VAMP7: variants seen among roughly 807,000 people sequenced by gnomAD.
VAMP7 encodes the protein vesicle-associated membrane protein 7.
In VAMP7, 14 loss-of-function variants were observed where a neutral mutation model predicts 29.6. That is an observed-to-expected ratio of 0.47 (90% CI 0.31 to 0.74). The LOEUF is 0.74. Among genes scored for constraint, VAMP7 ranks in the 30% least tolerant of loss-of-function variants. The pLI, the probability that VAMP7 is intolerant of heterozygous loss-of-function variation, is 0.05. For missense variants in VAMP7, 223 were observed against 262.4 expected, an observed-to-expected ratio of 0.85 and a Z score of 1.04; for synonymous variants, 95 against 88.1, an observed-to-expected ratio of 1.08 and a Z score of -0.44.
chrX:155,885,864 G>A (rs1602897213), intron 1 of VAMP7, among the ~76,000 whole-genome samples: 1 of 152,254 alleles, frequency 6.6e-6, no homozygotes, highest in East Asian at 1.9e-4. Context: ...TCTTGATTTT[G>A]GACTTTTAAC....
intron 5 of VAMP7, among the ~76,000 whole-genome samples, chrX:155,916,828 T>C (rs1029302844): frequency 2.0e-5 from 3 of 152,292 alleles, no homozygotes; most frequent in African/African-American, 7.2e-5. Flanking sequence ...CTGACGATTA[T>C]GTGTCTTGGA....
intron 3 of VAMP7, 33 bp from the exon 4 acceptor site, chrX:155,898,079 C>T (rs374324284): frequency 4.1e-5 from 66 of 1,601,742 alleles, no homozygotes; most frequent in Admixed American, 1.7e-4. Context: ...TGTTTACTTT[C>T]TAAATGTGAG....
Position 155,931,700 on chromosome X carries a change from G to T in VAMP7, c.502-8001G>T, listed in dbSNP as rs777158091. Among the ~76,000 whole-genome samples the T allele has an allele frequency of 3.9e-5, 6 of 152,026 alleles. No individual in the cohort carries two copies. The South Asian group carries it at 1.2e-3, about 32-fold the overall frequency. ...TGATGGTAGTTTCTTTTGCTGTGCA[G>T]AAGCTCCTTAATTAGATCCCATTTG... On this transcript the variant is annotated intron_variant, in intron 6 of 7. Coordinates refer to ENST00000286448, the MANE Select transcript of VAMP7 (RefSeq NM_005638.6).
At chrX:155,892,251 G>A (rs947786219) in intron 2 of VAMP7, among the ~76,000 whole-genome samples, 2 of 151,914 alleles carry the variant, frequency 1.3e-5, no homozygotes, top group Non-Finnish European at 2.9e-5. Flanking sequence ...CTCCCCCTAA[G>A]CCTCCTTGTA....
intron 2 of VAMP7, among the ~76,000 whole-genome samples, chrX:155,894,239 A>G (rs2065958259): frequency 1.3e-5 from 2 of 148,978 alleles, no homozygotes; most frequent in African/African-American, 5.0e-5. Context: ...GGTATACTGC[A>G]GTAGTCTCCT....
intron 7 of VAMP7, among the ~76,000 whole-genome samples, chrX:155,941,043 G>A (rs982148282): frequency 5.9e-5 from 9 of 152,126 alleles, no homozygotes; most frequent in African/African-American, 2.2e-4. Context: ...AGGCATAGGG[G>A]CTTATGCCTG....
chrX:155,898,476 T>A (rs923631100), intron 4 of VAMP7, among the ~76,000 whole-genome samples: 1 of 152,082 alleles, frequency 6.6e-6, no homozygotes, highest in Non-Finnish European at 1.5e-5. Context: ...CAGTGTCTCA[T>A]GATTGGAAGA....
rs185223209 is a variant in VAMP7, at chrX:155,935,213, G to A, written c.502-4488G>A. On this transcript the variant is annotated intron_variant, in intron 6 of 7. Coordinates refer to ENST00000286448, the MANE Select transcript of VAMP7 (RefSeq NM_005638.6). Reference sequence around the variant, plus strand: ...TCTTCTCGAGGAGTATCTTTGTGGCGTTCTCTGTATTTCCTGAATTTGAAT... The same window carrying A: ...TCTTCTCGAGGAGTATCTTTGTGGCATTCTCTGTATTTCCTGAATTTGAAT... Among the ~76,000 whole-genome samples, 95 of 152,022 alleles carry A rather than the reference G, an allele frequency of 6.2e-4. 1 individual carries two copies. In the East Asian group the frequency reaches 8.3e-3, roughly 13 times the overall value.
In VAMP7 at chrX:155,942,389, G is replaced by A. The variant is rs1268498800; in HGVS notation, c.*438G>A. 4.0e-6 allele frequency: 2 copies of A among 505,648 alleles called. No homozygotes were observed. The highest frequency in any genetic ancestry group is 6.9e-6 in the Non-Finnish European group (2 of 289,568). The allele number at this position is 505,648 out of a possible 1,614,324, so 31.3% of individuals were successfully genotyped here. ...CTTTTGTTATTGAGAAGTTTTAGGT[G>A]CTTCAAAACAATATAAATGGATAAT... is the stretch of plus-strand genomic sequence containing the variant. On this transcript the variant is annotated 3_prime_UTR_variant, in exon 8 of 8. Transcript: ENST00000286448.
At chrX:155,941,522 C>T (rs1206838362) in intron 7 of VAMP7, among the ~76,000 whole-genome samples, 4 of 151,902 alleles carry the variant, frequency 2.6e-5, no homozygotes, top group Non-Finnish European at 5.9e-5. Flanking sequence ...TTAATGAAAC[C>T]ATACTTCAGG....
At chrX:155,909,424 C>A (rs2066201630) in intron 5 of VAMP7, among the ~76,000 whole-genome samples, 1 of 152,040 alleles carries the variant, frequency 6.6e-6, no homozygotes, top group African/African-American at 2.4e-5. Context: ...TCTAAAGAAC[C>A]AACTTCTGGT....
rs183085715 is a variant in VAMP7 at position 155,890,289 on chromosome X, C to T, written c.146+677C>T. On this transcript the variant is annotated intron_variant, in intron 2 of 7. Transcript: ENST00000286448. ...GGCCATATTAAGAGCTTGGACTTTA[C>T]CTTGTGGGCAGTGGAAAGGCATTGA... Among the ~76,000 whole-genome samples, 280 of 152,150 alleles carry T rather than the reference C, an allele frequency of 1.8e-3. 1 individual carries two copies. Among genetic ancestry groups the T allele is most frequent in the African/African-American group, 6.6e-3 (273 of 41,510 alleles).
chrX:155,903,947 A>G (rs889661213), intron 5 of VAMP7, among the ~76,000 whole-genome samples: 1 of 152,060 alleles, frequency 6.6e-6, no homozygotes, highest in Non-Finnish European at 1.5e-5. Flanking sequence ...AAAGACTTGG[A>G]ACCAACCCAA....
chrX:155,894,730 C>T (rs2065965842), intron 2 of VAMP7, among the ~76,000 whole-genome samples: 1 of 152,056 alleles, frequency 6.6e-6, no homozygotes, highest in South Asian at 2.1e-4. Flanking sequence ...ATCCTCCTGC[C>T]TCAGCCTCCC....
At chrX:155,933,853 C>G (rs951112155) in intron 6 of VAMP7, among the ~76,000 whole-genome samples, 1 of 152,112 alleles carries the variant, frequency 6.6e-6, no homozygotes, top group Non-Finnish European at 1.5e-5. Context: ...ATAAATTTCC[C>G]TCTACACACT....
intron 5 of VAMP7, among the ~76,000 whole-genome samples, chrX:155,904,851 C>T (rs2066125264): frequency 1.3e-5 from 2 of 149,936 alleles, no homozygotes; most frequent in South Asian, 2.1e-4. Context: ...ATAAATAATG[C>T]TGCTATGAAC....
At chrX:155,934,948 C>T (rs1321141360) in intron 6 of VAMP7, among the ~76,000 whole-genome samples, 1 of 151,956 alleles carries the variant, frequency 6.6e-6, no homozygotes, top group Non-Finnish European at 1.5e-5. Flanking sequence ...TTTATTTTTC[C>T]TTCACCTATG....
chrX:155,882,936 C>T (rs892757499), intron 1 of VAMP7, among the ~76,000 whole-genome samples: 1 of 152,156 alleles, frequency 6.6e-6, no homozygotes, highest in Non-Finnish European at 1.5e-5. Context: ...TAGGCTGACA[C>T]CTGCATTCCT....
At chrX:155,905,061 T>G (rs2066129048) in intron 5 of VAMP7, among the ~76,000 whole-genome samples, 1 of 151,850 alleles carries the variant, frequency 6.6e-6, no homozygotes, top group Non-Finnish European at 1.5e-5. Context: ...GTATGAGGAT[T>G]CTGATTCCTC....
Sources: allele counts gnomAD v4.1 joint callset (sites outside exome capture counted in the v4.1 genomes callset), GRCh38; gene constraint gnomAD v4.1.1; transcripts MANE v1.5; gene names NCBI Gene and HGNC (gene_info 2026-07-23, HGNC 2026-07-21).